FBXL17: variants seen among roughly 807,000 people sequenced by gnomAD.
FBXL17 encodes F-box/LRR-repeat protein 17.
FBXL17 carries 22 observed loss-of-function variants against 66.2 expected under a neutral mutation model. That is an observed-to-expected ratio of 0.33 (90% CI 0.24 to 0.47). The LOEUF (loss-of-function observed/expected upper bound fraction) is 0.47. Ranked by LOEUF, FBXL17 falls within the 20% of genes least tolerant of loss-of-function variation. The probability of loss-of-function intolerance (pLI) is 1.00; values close to 1 mark genes in which losing one functional copy is unlikely to be tolerated. For missense variants in FBXL17, 878 were observed against 948.2 expected (o/e 0.93, Z 0.97); for synonymous variants, 474 against 400.5 (o/e 1.18, Z -2.19).
intron 3 of FBXL17, among the ~76,000 whole-genome samples, chr5:108,363,078 T>G (rs530373069): frequency 6.6e-6 from 1 of 152,108 alleles, no homozygotes; most frequent in East Asian, 1.9e-4. Flanking sequence ...AACATAGCAC[T>G]GTCAGTTTAC....
chr5:108,223,132 A>C (rs1378169321), intron 5 of FBXL17, among the ~76,000 whole-genome samples: 5 of 152,138 alleles, frequency 3.3e-5, no homozygotes, highest in African/African-American at 4.8e-5. Flanking sequence ...CTGAGGTTAT[A>C]ATGGCGCCCA....
At chr5:108,287,027 G>C (rs1243536476) in intron 4 of FBXL17, among the ~76,000 whole-genome samples, 1 of 151,774 alleles carries the variant, frequency 6.6e-6, no homozygotes, top group African/African-American at 2.4e-5. Context: ...CAAGCAATGG[G>C]AAAAAAGACT....
intron 4 of FBXL17, among the ~76,000 whole-genome samples, chr5:108,263,319 A>G (rs142466585): frequency 1.1e-4 from 16 of 152,238 alleles, no homozygotes; most frequent in Non-Finnish European, 2.2e-4. Flanking sequence ...GACTGGATAG[A>G]AAGAAAAAAA....
intron 6 of FBXL17, among the ~76,000 whole-genome samples, chr5:108,178,221 A>AT (rs1350012701): frequency 6.6e-6 from 1 of 151,708 alleles, no homozygotes; most frequent in Non-Finnish European, 1.5e-5. Context: ...TTTTTTAAAA[A>AT]TTTTTTTATA....
chr5:107,955,330 A>G (rs1001445448), intron 7 of FBXL17, among the ~76,000 whole-genome samples: 10 of 152,310 alleles, frequency 6.6e-5, no homozygotes, highest in Middle Eastern at 3.4e-3. Context: ...CGTGAGTAGC[A>G]TAAGTTTGAG....
intron 6 of FBXL17, among the ~76,000 whole-genome samples, chr5:108,051,946 T>TA (rs1208117443): frequency 1.3e-5 from 2 of 151,308 alleles, no homozygotes; most frequent in African/African-American, 2.4e-5. Context: ...CTGTCTCTTC[T>TA]AAAAAAATAC....
chr5:108,073,912 T>G (rs1308466183), intron 6 of FBXL17, among the ~76,000 whole-genome samples: 1 of 152,158 alleles, frequency 6.6e-6, no homozygotes, highest in Non-Finnish European at 1.5e-5. Flanking sequence ...TGCAGAACTG[T>G]TAGCCAAATA....
chr5:108,281,580 G>T (rs1360353081), intron 4 of FBXL17, among the ~76,000 whole-genome samples: 1 of 151,616 alleles, frequency 6.6e-6, no homozygotes, highest in East Asian at 1.9e-4. Context: ...GATCAAAAAA[G>T]AAGAAAGATT....
intron 7 of FBXL17, among the ~76,000 whole-genome samples, chr5:107,994,529 G>T (rs34846952): frequency 0.11 from 17,335 of 151,964 alleles, 1,065 homozygotes; most frequent in East Asian, 0.16. Flanking sequence ...AACATAAAGG[G>T]CAATAAACAT....
intron 6 of FBXL17, 64 bp downstream of exon 6, chr5:108,186,050 TATA>T: frequency 2.3e-6 from 3 of 1,287,248 alleles, no homozygotes; most frequent in Non-Finnish European, 3.3e-6. Flanking sequence ...CATGCCTTGT[TATA>T]ATAATTAATA....
At chr5:107,991,174 G>T (rs971529654) in intron 7 of FBXL17, among the ~76,000 whole-genome samples, 3 of 152,126 alleles carry the variant, frequency 2.0e-5, no homozygotes, top group Non-Finnish European at 4.4e-5. Flanking sequence ...TCTTAAAGAT[G>T]GACAACCAAA....
chr5:107,901,098 G>T (rs544516297), intron 7 of FBXL17, among the ~76,000 whole-genome samples: 2 of 152,162 alleles, frequency 1.3e-5, no homozygotes, highest in South Asian at 2.1e-4. Context: ...GCTTTTATAA[G>T]AGTTACATAA....
At chr5:108,264,425 T>A in intron 4 of FBXL17, among the ~76,000 whole-genome samples, 1 of 151,884 alleles carries the variant, frequency 6.6e-6, no homozygotes, top group Non-Finnish European at 1.5e-5. Flanking sequence ...CTAAATTATT[T>A]AAACTGGCCA....
At chr5:108,236,763 A>G (rs1755622436) in intron 4 of FBXL17, among the ~76,000 whole-genome samples, 1 of 152,154 alleles carries the variant, frequency 6.6e-6, no homozygotes, top group Admixed American at 6.6e-5. Flanking sequence ...CCAATCGTTG[A>G]TTAATTTTTT....
intron 6 of FBXL17, among the ~76,000 whole-genome samples, chr5:108,107,811 C>A (rs1435019392): frequency 2.4e-3 from 288 of 120,634 alleles, no homozygotes; most frequent in East Asian, 5.8e-3. Flanking sequence ...GACTCTGTCT[C>A]AAAAAAAAAA....
At chr5:108,098,362 G>A (rs1286729066) in intron 6 of FBXL17, among the ~76,000 whole-genome samples, 2 of 152,042 alleles carry the variant, frequency 1.3e-5, no homozygotes, top group Admixed American at 6.6e-5. Flanking sequence ...GTGAGACCCC[G>A]TCTGAAAATA....
rs765399250 is a variant in FBXL17, at chr5:108,002,182, A to ATTTTT, written c.1822+18738_1822+18742dup. On this transcript the variant is annotated intron_variant, in intron 7 of 8. Transcript: ENST00000542267. ...TGGCACACACCACCACACCCAGCTA[A>ATTTTT]TTTTTTTTTTTTTTTTTTTTTTAGT... Among the ~76,000 whole-genome samples the ATTTTT allele has an allele frequency of 1.7e-4, 19 of 109,448 alleles. 1 individual carries two copies. Among genetic ancestry groups the ATTTTT allele is most frequent in the East Asian group, 8.0e-4 (3 of 3,736 alleles). The allele number at this position is 109,448 out of a possible 152,430, so 71.8% of individuals were successfully genotyped here. A position where few individuals can be genotyped will look rare whatever the true frequency, so the allele number is the denominator to read the frequency against.
At position 107,929,430 on chromosome 5, in the gene FBXL17, T is replaced by C. The variant is rs138979955; in HGVS notation, c.1823-48251A>G. Among the ~76,000 whole-genome samples the C allele has an allele frequency of 1.4e-3, 209 of 152,288 alleles. 1 individual carries two copies. Among genetic ancestry groups the C allele is most frequent in the African/African-American group, 4.9e-3 (202 of 41,566 alleles). ...TTTACTACTACTTAGTGGGAACACA[T>C]AGTAAATTATTATAAAAACAGTGTT... On this transcript the variant is annotated intron_variant, in intron 7 of 8. Transcript: ENST00000542267.
At chr5:108,073,937 A>G (rs2112868167) in intron 6 of FBXL17, among the ~76,000 whole-genome samples, 1 of 152,248 alleles carries the variant, frequency 6.6e-6, no homozygotes, top group South Asian at 2.1e-4. Flanking sequence ...TCTTTTCTTT[A>G]TATATTACCC....
Sources: gnomAD v4.1 joint callset for allele counts (sites outside exome capture counted in the v4.1 genomes callset) on GRCh38, gnomAD v4.1.1 for gene constraint, MANE v1.5 for transcripts, NCBI Gene and HGNC (gene_info 2026-07-23, HGNC 2026-07-21) for gene names.